The following NIBAN1 variants were observed in gnomAD, a reference collection of about 807,000 sequenced individuals.
NIBAN1 encodes protein Niban 1.
Under a neutral mutation model 75.1 loss-of-function variants are expected in NIBAN1, and 81 were observed. The ratio of observed to expected loss-of-function variants is 1.08; its 90% CI spans 0.90 to 1.30. NIBAN1 has a LOEUF of 1.30. Ranked by LOEUF, NIBAN1 falls within the 50% of genes most tolerant of loss-of-function variation. The probability of loss-of-function intolerance (pLI) is 0.00; values close to 1 mark genes in which losing one functional copy is unlikely to be tolerated. For missense variants in NIBAN1, 1,133 were observed against 1,128.1 expected (o/e 1.00, Z -0.06); for synonymous variants, 436 against 424.8 (o/e 1.03, Z -0.32).
chr1:184,925,651 CAACTT>C (rs1485798177), intron 1 of NIBAN1, among the ~76,000 whole-genome samples: 2 of 151,530 alleles, frequency 1.3e-5, no homozygotes, highest in African/African-American at 2.4e-5. Flanking sequence ...AAACTGATGA[CAACTT>C]AACACTGATT....
At chr1:184,881,041 A>G (rs763792265) in intron 5 of NIBAN1, among the ~76,000 whole-genome samples, 20 of 152,104 alleles carry the variant, frequency 1.3e-4, no homozygotes, top group South Asian at 2.1e-4. Flanking sequence ...TGCCTGCCCA[A>G]TGAAGAGGTG....
chr1:184,806,179 C>T (rs1011654542), intron 10 of NIBAN1, 123 bp from the exon 11 acceptor site: 11 of 675,308 alleles, frequency 1.6e-5, no homozygotes, highest in South Asian at 1.5e-4. Flanking sequence ...GGCTGCTATT[C>T]GGTGGGGGTA....
intron 3 of NIBAN1, among the ~76,000 whole-genome samples, chr1:184,892,704 C>A (rs1049749917): frequency 5.9e-5 from 9 of 152,140 alleles, no homozygotes; most frequent in African/African-American, 1.9e-4. Context: ...ATTGGTCTGT[C>A]AGTCTGAAGC....
intron 1 of NIBAN1, among the ~76,000 whole-genome samples, chr1:184,969,073 C>T (rs1263463524): frequency 6.6e-6 from 1 of 152,192 alleles, no homozygotes; most frequent in African/African-American, 2.4e-5. Flanking sequence ...TCCCATTGGC[C>T]ATAACTCAGC....
chr1:184,811,831 G>T (rs1365103216), intron 9 of NIBAN1, among the ~76,000 whole-genome samples: 1 of 152,152 alleles, frequency 6.6e-6, no homozygotes, highest in Non-Finnish European at 1.5e-5. Context: ...TCTCAGTAAA[G>T]TCCCTTTTGG....
chr1:184,878,919 C>A (rs1656303071), intron 5 of NIBAN1, among the ~76,000 whole-genome samples: 1 of 152,010 alleles, frequency 6.6e-6, no homozygotes, highest in South Asian at 2.1e-4. Context: ...GTTTCATGGA[C>A]CAGGGGTGAG....
chr1:184,818,718 C>A lies in NIBAN1; in HGVS notation c.1093G>T (p.Val365Leu), dbSNP rs753085116. The change falls in exon 9 of 14, where the codon GTA becomes TTA. Residue 365 changes from valine to leucine, a missense_variant. Physicochemically the swap from Val to Leu is conservative, Grantham distance 32. Transcript: ENST00000367511. The part of the protein sequence containing the change: ...MGPVSSGFSE[V>L]RVLFEKEVNE... ...ACCTCTTTCTCAAAGAGTACACGTA[C>A]TTCACTGAATCCCGAGCTCACTGGT... The A allele has an allele frequency of 3.3e-5, 54 of 1,613,628 alleles. No individual in the cohort carries two copies. The highest frequency in any genetic ancestry group is 4.0e-5 in the Non-Finnish European group (47 of 1,179,656).
intron 1 of NIBAN1, among the ~76,000 whole-genome samples, chr1:184,916,648 T>C (rs1657391461): frequency 6.6e-6 from 1 of 152,032 alleles, no homozygotes; most frequent in East Asian, 1.9e-4. Flanking sequence ...CTGAAAAGTG[T>C]TTGTTCCATT....
intron 12 of NIBAN1, among the ~76,000 whole-genome samples, chr1:184,803,034 G>A (rs1453805214): frequency 2.6e-5 from 4 of 152,148 alleles, no homozygotes; most frequent in East Asian, 1.9e-4. Flanking sequence ...TCACACCCTC[G>A]CAATCATGGT....
chr1:184,907,915 T>C (rs1488268250), intron 1 of NIBAN1, among the ~76,000 whole-genome samples: 1 of 152,182 alleles, frequency 6.6e-6, no homozygotes, highest in African/African-American at 2.4e-5. Context: ...AAAAACCAAC[T>C]TAAGTTCTCT....
intron 5 of NIBAN1, among the ~76,000 whole-genome samples, chr1:184,837,193 C>T (rs1655165800): frequency 6.6e-6 from 1 of 152,204 alleles, no homozygotes; most frequent in Admixed American, 6.5e-5. Context: ...CACCTACTCT[C>T]CTGCCAATAA....
rs1473267505 is a variant in NIBAN1 at position 184,828,305 on chromosome 1, G to T, written c.717+3542C>A. On this transcript the variant is annotated intron_variant, in intron 6 of 13. Transcript: ENST00000367511. ...ATTACTATGAAGGTAATGGAGCAAG[G>T]CTGGAAGTCTGAATGCAGGCCCCTA... Among the ~76,000 whole-genome samples, 4 of 152,172 alleles carry T rather than the reference G, an allele frequency of 2.6e-5. No homozygotes were observed. In the South Asian group the frequency reaches 8.3e-4, roughly 31 times the overall value.
chr1:184,823,807 A>T (rs1055930446), intron 6 of NIBAN1, 65 bp from the exon 7 acceptor site: 5 of 1,377,936 alleles, frequency 3.6e-6, no homozygotes, highest in Non-Finnish European at 5.2e-6. Context: ...CATCAGGCCA[A>T]CTAAAAATGT....
At chr1:184,804,249 A>T (rs1654126939) in intron 11 of NIBAN1, among the ~76,000 whole-genome samples, 1 of 152,188 alleles carries the variant, frequency 6.6e-6, no homozygotes, top group East Asian at 1.9e-4. Flanking sequence ...CTTCAAGGGG[A>T]TCACAGATAA....
intron 1 of NIBAN1, among the ~76,000 whole-genome samples, chr1:184,909,243 T>G (rs1345859727): frequency 6.6e-6 from 1 of 152,222 alleles, no homozygotes; most frequent in Non-Finnish European, 1.5e-5. Flanking sequence ...TTCAGTGATT[T>G]CCCTTCCAAC....
At chr1:184,839,781 T>A (rs1571508536) in intron 5 of NIBAN1, among the ~76,000 whole-genome samples, 1 of 151,968 alleles carries the variant, frequency 6.6e-6, no homozygotes, top group Non-Finnish European at 1.5e-5. Flanking sequence ...TTTTTTAGTA[T>A]AGACGGGGTT....
chr1:184,818,948 G>T, intron 8 of NIBAN1, 123 bp from the exon 9 acceptor site: 2 of 1,055,634 alleles, frequency 1.9e-6, no homozygotes, highest in Non-Finnish European at 2.7e-6. Flanking sequence ...AAGCTCAAGA[G>T]GCCATGACAG....
intron 1 of NIBAN1, among the ~76,000 whole-genome samples, chr1:184,916,764 A>C (rs1657394966): frequency 6.6e-6 from 1 of 152,146 alleles, no homozygotes; most frequent in Non-Finnish European, 1.5e-5. Context: ...ATGTATGAAA[A>C]TACTATGCCT....
chr1:184,805,327 A>G (rs1654165796), intron 11 of NIBAN1, among the ~76,000 whole-genome samples: 2 of 152,248 alleles, frequency 1.3e-5, no homozygotes. Context: ...AAGTCACATT[A>G]GCTTTTACAG....
Sources: gnomAD v4.1 joint callset for allele counts (sites outside exome capture counted in the v4.1 genomes callset) on GRCh38, gnomAD v4.1.1 for gene constraint, MANE v1.5 for transcripts, NCBI Gene and HGNC (gene_info 2026-07-23, HGNC 2026-07-21) for gene names.